ABHD18: variants seen among roughly 807,000 people sequenced by gnomAD.
ABHD18 encodes cardiolipin-specific deacylase, mitochondrial.
A neutral mutation model predicts 65.9 loss-of-function variants in ABHD18; 55 were observed. That is an observed-to-expected ratio of 0.84 (90% CI 0.67 to 1.05). The LOEUF is 1.05. Ranked by LOEUF, ABHD18 falls within the 50% of genes least tolerant of loss-of-function variation. ABHD18 has a pLI of 0.00. For synonymous variants in ABHD18, 181 were observed against 180.2 expected, an observed-to-expected ratio of 1.00 and a Z score of -0.04; for missense variants, 533 against 558.5, an observed-to-expected ratio of 0.95 and a Z score of 0.46.
intron 10 of ABHD18, among the ~76,000 whole-genome samples, chr4:128,024,682 T>C (rs1466485679): frequency 2.0e-5 from 3 of 152,148 alleles, no homozygotes; most frequent in Non-Finnish European, 4.4e-5. Flanking sequence ...TTTCCTTGCC[T>C]TCAACCAATT....
At chr4:127,966,703 A>AC (rs1491157498) in intron 1 of ABHD18, among the ~76,000 whole-genome samples, 24 of 25,982 alleles carry the variant, frequency 9.2e-4, no homozygotes, top group African/African-American at 2.9e-3. Flanking sequence ...CTAAAAATAC[A>AC]AAAAAAAAAA....
At chr4:127,995,320 C>T (rs970472046) in intron 4 of ABHD18, among the ~76,000 whole-genome samples, 2 of 152,170 alleles carry the variant, frequency 1.3e-5, no homozygotes. Context: ...CTATCCTTTT[C>T]AGCATTACTT....
chr4:127,974,997 C>A (rs373575961), intron 1 of ABHD18, among the ~76,000 whole-genome samples: 368 of 88,168 alleles, frequency 4.2e-3, no homozygotes, highest in East Asian at 5.0e-3. Flanking sequence ...AACTGTGTCT[C>A]AAAAAAAAAA....
chr4:128,026,824 C>T (rs1159052815), intron 10 of ABHD18, among the ~76,000 whole-genome samples: 54 of 147,986 alleles, frequency 3.6e-4, no homozygotes, highest in African/African-American at 1.3e-3. Context: ...CTTGCTCTGT[C>T]GCCCAGGCTG....
At chr4:128,007,818 T>G (rs1268158393) in intron 4 of ABHD18, among the ~76,000 whole-genome samples, 1 of 152,176 alleles carries the variant, frequency 6.6e-6, no homozygotes, top group African/African-American at 2.4e-5. Context: ...GGATTGACTT[T>G]ACTTGTAAGT....
intron 11 of ABHD18, among the ~76,000 whole-genome samples, chr4:128,029,581 T>C (rs1291703087): frequency 9.9e-5 from 15 of 152,144 alleles, no homozygotes; most frequent in Non-Finnish European, 7.3e-5. Context: ...CCCAGTGCTT[T>C]GGGAGGCCAA....
chr4:128,034,595 A>G (rs1419881860), intron 12 of ABHD18, among the ~76,000 whole-genome samples: 1 of 152,006 alleles, frequency 6.6e-6, no homozygotes, highest in African/African-American at 2.4e-5. Flanking sequence ...AAAAAAAAAG[A>G]AAAAAGAAAA....
Position 128,008,966 on chromosome 4 carries a change from G to T in ABHD18, c.325G>T (p.Val109Leu), listed in dbSNP as rs1183436926. 6.2e-7 allele frequency: 1 copy of T among 1,610,642 alleles called. No individual in the cohort carries two copies. Among genetic ancestry groups the T allele is most frequent in the South Asian group, 1.1e-5 (1 of 89,636 alleles). Residue 109 changes from valine to leucine, a missense_variant, in exon 5 of 13, where the codon GTA becomes TTA. Physicochemically the swap from Val to Leu is conservative, Grantham distance 32 (BLOSUM62 1). Transcript: ENST00000645843. Reference protein sequence around the residue: ...PKEWNSKYRPVCIHLAGTGDH... With the variant: ...PKEWNSKYRPLCIHLAGTGDH... ...AGAATGGAACAGCAAATATAGACCT[G>T]TATGCATTCATCTTGCTGGAACAGG...
At chr4:127,992,098 T>C (rs1751015205) in intron 4 of ABHD18, among the ~76,000 whole-genome samples, 1 of 152,192 alleles carries the variant, frequency 6.6e-6, no homozygotes, top group Non-Finnish European at 1.5e-5. Context: ...ATGGACCTAA[T>C]GTCAATTACT....
At position 128,030,554 on chromosome 4, in the gene ABHD18, G is replaced by A. The variant is rs1758059235; in HGVS notation, c.1225G>A (p.Asp409Asn). The A allele has an allele frequency of 1.2e-6, 2 of 1,602,562 alleles. No individual in the cohort carries two copies. The highest frequency in any genetic ancestry group is 1.7e-6 in the Non-Finnish European group (2 of 1,177,948). Residue 409 changes from aspartate (D) to asparagine (N), a missense_variant, in exon 12 of 13, where the codon GAT (aspartate) becomes AAT (asparagine). Physicochemically the swap from Asp to Asn is conservative, Grantham distance 23. Coordinates refer to ENST00000645843, the MANE Select transcript of ABHD18 (RefSeq NM_001358451.3). ...CATTATAGTGGTTCAAGCCAAAGAAGATGCCTATATTCCACGAACAGGAGT... is the reference window on the plus strand; with the variant it reads ...CATTATAGTGGTTCAAGCCAAAGAAAATGCCTATATTCCACGAACAGGAGT... ...SLIIVVQAKE[D>N]AYIPRTGVRS...
chr4:127,991,272 C>G (rs1750868097), intron 4 of ABHD18, among the ~76,000 whole-genome samples: 1 of 152,138 alleles, frequency 6.6e-6, no homozygotes, highest in South Asian at 2.1e-4. Context: ...TGCTCTGTTG[C>G]CTAGGCTAGA....
intron 10 of ABHD18, among the ~76,000 whole-genome samples, chr4:128,022,784 T>C (rs1435624621): frequency 1.3e-5 from 2 of 151,614 alleles, no homozygotes; most frequent in Non-Finnish European, 2.9e-5. Context: ...TTTTTTTTTT[T>C]TCTCTGTCTT....
At chr4:128,001,645 T>C (rs953069443) in intron 4 of ABHD18, 4 of 1,476,528 alleles carry the variant, frequency 2.7e-6, no homozygotes, top group East Asian at 2.5e-5. Flanking sequence ...TGCCTACTTA[T>C]GCAATTCTTG....
In ABHD18 at chr4:127,984,257, G is replaced by C. The variant is rs191173426; in HGVS notation, c.93-82G>C. The C allele has an allele frequency of 3.1e-4, 214 of 697,980 alleles. No homozygotes were observed. In the African/African-American group the frequency reaches 3.4e-3, roughly 11 times the overall value. The allele number at this position is 697,980 out of a possible 1,614,324, so 43.2% of individuals were successfully genotyped here. A position where few individuals can be genotyped will look rare whatever the true frequency, so the allele number is the denominator to read the frequency against. On this transcript the variant is annotated intron_variant, in intron 2 of 12. Transcript: ENST00000645843. ...CTGGATTTGCTAATTTTTAATTACTGTTAATCAGTCTCAATTATAATGTGC... is the reference window on the plus strand; with the variant it reads ...CTGGATTTGCTAATTTTTAATTACTCTTAATCAGTCTCAATTATAATGTGC...
At chr4:128,006,604 C>T (rs904638918) in intron 4 of ABHD18, among the ~76,000 whole-genome samples, 4 of 152,176 alleles carry the variant, frequency 2.6e-5, no homozygotes, top group Non-Finnish European at 1.5e-5. Flanking sequence ...AATCCAGTCA[C>T]CTCAGGTCAA....
chr4:128,028,724 T>C lies in ABHD18; in HGVS notation c.1051T>C (p.Tyr351His), dbSNP rs1304986347. 5.6e-6 allele frequency: 9 copies of C among 1,613,976 alleles called. No individual in the cohort carries two copies. Among genetic ancestry groups the C allele is most frequent in the Non-Finnish European group, 7.6e-6 (9 of 1,179,892 alleles). ...NQTLSTNKSG[Y>H]TSRNPQSYHL... ...AACACTTTCAACCAACAAAAGTGGT[T>C]ATACAAGTCGCAACCCTCAGTCATA... is the stretch of plus-strand genomic sequence containing the variant. The change falls in exon 11 of 13, where the codon TAT becomes CAT. Residue 351 changes from tyrosine (Y) to histidine (H), a missense_variant. Tyr to His is a moderately conservative substitution (Grantham distance 83). Around this residue, in one of 3 missense-constraint regions of ABHD18, gnomAD observed 220 missense variants for 226.8 expected, o/e 0.97. Transcript: ENST00000645843.
intron 4 of ABHD18, among the ~76,000 whole-genome samples, chr4:128,007,596 C>A (rs181509863): frequency 7.9e-5 from 12 of 151,714 alleles, no homozygotes; most frequent in Non-Finnish European, 1.5e-4. Context: ...GAAAAATTAG[C>A]TGGGCTTGGT....
At chr4:128,025,422 GC>G (rs1757198202) in intron 10 of ABHD18, among the ~76,000 whole-genome samples, 1 of 152,142 alleles carries the variant, frequency 6.6e-6, no homozygotes, top group Middle Eastern at 3.2e-3. Context: ...ACAGGTATGA[GC>G]CACTGTGCCC....
At chr4:128,023,599 A>T (rs1756887991) in intron 10 of ABHD18, among the ~76,000 whole-genome samples, 1 of 150,490 alleles carries the variant, frequency 6.6e-6, no homozygotes, top group African/African-American at 2.4e-5. Context: ...AAAAAAAAAA[A>T]GGCTGGGCGC....
Sources: gnomAD v4.1 joint callset for allele counts (sites outside exome capture counted in the v4.1 genomes callset) on GRCh38, gnomAD v4.1.1 for gene constraint, gnomAD v4.1.1 regional missense constraint, MANE v1.5 for transcripts, NCBI Gene and HGNC (gene_info 2026-07-23, HGNC 2026-07-21) for gene names.